Variants in PCDHGA6 observed in about 807,000 individuals in gnomAD.
PCDHGA6 encodes protocadherin gamma-A6.
In PCDHGA6, 41 loss-of-function variants were observed where a neutral mutation model predicts 60.6. That is an observed-to-expected ratio of 0.68 (90% CI 0.53 to 0.88). The LOEUF (loss-of-function observed/expected upper bound fraction) is 0.88, where lower values mean the gene tolerates loss of function less well. Among genes scored for constraint, PCDHGA6 ranks in the 40% least tolerant of loss-of-function variants. The pLI, the probability that PCDHGA6 is intolerant of heterozygous loss-of-function variation, is 0.00. For synonymous variants in PCDHGA6, 594 were observed against 524.4 expected (o/e 1.13, Z -1.81); for missense variants, 1,312 against 1,203.0 (o/e 1.09, Z -1.34).
chr5:141,421,904 C>T (rs1561797509), intron 1 of PCDHGA6: 1 of 1,613,734 alleles, frequency 6.2e-7, no homozygotes, highest in Admixed American at 1.7e-5. Flanking sequence ...CGAAAGGGCG[C>T]AGTTCCCATT....
chr5:141,482,144 G>A (rs564178008), intron 1 of PCDHGA6, among the ~76,000 whole-genome samples: 2 of 151,756 alleles, frequency 1.3e-5, no homozygotes, highest in African/African-American at 2.4e-5. Flanking sequence ...GGCATAAAAA[G>A]GTCAAGTCAA....
chr5:141,379,441 A>G (rs185197715), intron 1 of PCDHGA6: 93 of 152,360 alleles, frequency 6.1e-4, no homozygotes, highest in African/African-American at 2.0e-3. Context: ...TGTTATACAT[A>G]TGATTATTTC....
Position 141,511,202 on chromosome 5 carries a change from C to A in PCDHGA6, c.*29C>A. On this transcript the variant is annotated 3_prime_UTR_variant, in exon 4 of 4. Transcript: ENST00000517434. ...GGAGGCCAGGCCAAGAGCCACAGGG[C>A]GGCCTCTCCCCAACCAGCCCAGCTT... The A allele has an allele frequency of 6.2e-7, 1 of 1,612,136 alleles. No individual in the cohort carries two copies.
rs1055747392 is a variant in PCDHGA6 at position 141,490,298 on chromosome 5, C to G, written c.2425-4509C>G. 6.2e-7 allele frequency: 1 copy of G among 1,614,178 alleles called. No individual in the cohort carries two copies. The highest frequency in any genetic ancestry group is 1.3e-5 in the African/African-American group (1 of 75,036). On this transcript the variant is annotated intron_variant, in intron 1 of 3. Transcript: ENST00000517434. The surrounding 1 kb of genome is among the most constrained non-coding windows in gnomAD (Gnocchi z 5.4). ...GACAATGCCCCAGAGGTGCTATTGG[C>G]CTCTTTGGCCAACCCTGTCCTAGAG...
chr5:141,499,029 A>AAGGAAGGAAGGAAGGAAGG (rs1562187768), intron 2 of PCDHGA6, among the ~76,000 whole-genome samples: 3 of 140,076 alleles, frequency 2.1e-5, no homozygotes, highest in African/African-American at 8.3e-5. Flanking sequence ...AGGAAGGAAG[A>AAGGAAGGAAGGAAGGAAGG]AAAGAAAGAA....
Position 141,478,516 on chromosome 5 carries a change from G to A in PCDHGA6, c.2425-16291G>A, listed in dbSNP as rs769702987. The A allele has an allele frequency of 4.3e-6, 7 of 1,610,992 alleles. No homozygotes were observed. In the African/African-American group the frequency reaches 8.0e-5, roughly 18 times the overall value. ...GTGATCCGGTGTTCTATAGGCAGGT[G>A]TTGGGTGCAGAGAGCGCCCCTCCCG... On this transcript the variant is annotated intron_variant, in intron 1 of 3. Transcript: ENST00000517434.
chr5:141,484,750 G>GTATA (rs545232987), intron 1 of PCDHGA6, among the ~76,000 whole-genome samples: 1 of 149,818 alleles, frequency 6.7e-6, no homozygotes, highest in Non-Finnish European at 1.5e-5. Context: ...GAAAAAAAAT[G>GTATA]TATATATATA....
intron 1 of PCDHGA6, chr5:141,427,830 C>G (rs749612858): frequency 7.8e-6 from 12 of 1,538,206 alleles, no homozygotes; most frequent in Non-Finnish European, 1.1e-5. Context: ...GGTCGCGCAG[C>G]GTGCCTTCGA....
Position 141,489,323 on chromosome 5 carries a change from C to T in PCDHGA6, c.2425-5484C>T, listed in dbSNP as rs746520513. 1 of 1,601,632 alleles carries T rather than the reference C, an allele frequency of 6.2e-7. No individual in the cohort carries two copies. Among genetic ancestry groups the T allele is most frequent in the Non-Finnish European group, 8.5e-7 (1 of 1,172,950 alleles). ...TCCTTGTGCTGCTGGGGCTGGGTGT[C>T]TGGGCAGCTTCGTTACTCAGTGGTG... On this transcript the variant is annotated intron_variant, in intron 1 of 3. Coordinates refer to ENST00000517434, the MANE Select transcript of PCDHGA6 (RefSeq NM_018919.3). The surrounding 1 kb of genome is among the most constrained non-coding windows in gnomAD (Gnocchi z 4.5).
At chr5:141,383,220 C>T in intron 1 of PCDHGA6, 1 of 1,613,982 alleles carries the variant, frequency 6.2e-7, no homozygotes, top group East Asian at 2.2e-5. Context: ...TAAACTTTAA[C>T]ATCCTGATGG....
At chr5:141,469,362 G>GT (rs1212141268) in intron 1 of PCDHGA6, among the ~76,000 whole-genome samples, 4 of 152,084 alleles carry the variant, frequency 2.6e-5, no homozygotes, top group Non-Finnish European at 5.9e-5. Flanking sequence ...GGATCATGAG[G>GT]TAAAGAGATC....
At chr5:141,378,951 C>T (rs1775267163) in intron 1 of PCDHGA6, 1 of 152,180 alleles carries the variant, frequency 6.6e-6, no homozygotes, top group South Asian at 2.1e-4. Context: ...GAATGGAGTA[C>T]AGGGGATTCT....
At chr5:141,507,442 C>T (rs748782097) in intron 3 of PCDHGA6, among the ~76,000 whole-genome samples, 1 of 152,162 alleles carries the variant, frequency 6.6e-6, no homozygotes, top group African/African-American at 2.4e-5. Flanking sequence ...CTACAGCTGA[C>T]GGAAGGACAG....
At chr5:141,392,303 A>G (rs2092505903) in intron 1 of PCDHGA6, 1 of 151,852 alleles carries the variant, frequency 6.6e-6, no homozygotes, top group South Asian at 2.1e-4. Context: ...TGAAAGTATC[A>G]TGTTTTTTTT....
chr5:141,407,971 G>A, intron 1 of PCDHGA6: 2 of 717,762 alleles, frequency 2.8e-6, no homozygotes, highest in South Asian at 2.3e-5. Flanking sequence ...AAGCGCTGAC[G>A]CCGGGGATCC....
At chr5:141,444,752 T>C (rs1376810825) in intron 1 of PCDHGA6, among the ~76,000 whole-genome samples, 2 of 152,228 alleles carry the variant, frequency 1.3e-5, no homozygotes, top group Non-Finnish European at 2.9e-5. Context: ...CTGATATATG[T>C]AGTTCTATTT....
chr5:141,467,129 T>G (rs2099137740), intron 1 of PCDHGA6, among the ~76,000 whole-genome samples: 1 of 151,826 alleles, frequency 6.6e-6, no homozygotes, highest in Non-Finnish European at 1.5e-5. Context: ...CTCAGCTCAC[T>G]GCAACCTCTG....
intron 1 of PCDHGA6, chr5:141,377,857 T>C (rs1234593870): frequency 6.6e-6 from 1 of 152,172 alleles, no homozygotes. Context: ...AAAATTAAGA[T>C]TTAAAAGACT....
At position 141,432,554 on chromosome 5, in the gene PCDHGA6, G is replaced by A. The variant is rs757821109; in HGVS notation, c.2424+56047G>A. The A allele has an allele frequency of 9.3e-6, 15 of 1,613,832 alleles. No homozygotes were observed. Among genetic ancestry groups the A allele is most frequent in the Non-Finnish European group, 1.3e-5 (15 of 1,180,006 alleles). On this transcript the variant is annotated intron_variant, in intron 1 of 3. Coordinates refer to ENST00000517434, the MANE Select transcript of PCDHGA6 (RefSeq NM_018919.3). The surrounding 1 kb of genome is among the most constrained non-coding windows in gnomAD (Gnocchi z 6.0). ...GGTGGTGGCGGTGGACAGAGACTCCGGCCAGAACGCCTGGCTGTCCTACCG... is the reference window on the plus strand; with the variant it reads ...GGTGGTGGCGGTGGACAGAGACTCCAGCCAGAACGCCTGGCTGTCCTACCG...
Sources: gnomAD v4.1 joint callset for allele counts (sites outside exome capture counted in the v4.1 genomes callset) on GRCh38, gnomAD v4.1.1 for gene constraint, Gnocchi (gnomAD v3.1) non-coding constraint, MANE v1.5 for transcripts, NCBI Gene and HGNC (gene_info 2026-07-23, HGNC 2026-07-21) for gene names.